The following NARS2 variants were observed in gnomAD, a reference collection of about 807,000 sequenced individuals.
NARS2 encodes the protein asparaginyl-tRNA synthetase 2, mitochondrial.
In NARS2, 60 loss-of-function variants were observed where a neutral mutation model predicts 62.9. That is an observed-to-expected ratio of 0.95 (90% CI 0.77 to 1.18). The LOEUF is 1.18. Ranked by LOEUF, NARS2 falls within the 50% of genes most tolerant of loss-of-function variation. The probability of loss-of-function intolerance (pLI) is 0.00; values close to 1 mark genes in which losing one functional copy is unlikely to be tolerated. For missense variants in NARS2, 619 were observed against 576.4 expected (o/e 1.07, Z -0.76); for synonymous variants, 196 against 200.0 (o/e 0.98, Z 0.17).
chr11:78,445,844 C>T (rs115388851), intron 11 of NARS2, among the ~76,000 whole-genome samples: 5 of 152,138 alleles, frequency 3.3e-5, no homozygotes, highest in African/African-American at 1.2e-4. Context: ...CCTGTGGTCC[C>T]GGCTACTTGT....
chr11:78,512,402 A>G (rs1434106278), intron 6 of NARS2, among the ~76,000 whole-genome samples: 2 of 152,158 alleles, frequency 1.3e-5, no homozygotes, highest in East Asian at 3.8e-4. Context: ...AATTCACCCA[A>G]GGTTCTCCAG....
intron 6 of NARS2, among the ~76,000 whole-genome samples, chr11:78,512,967 A>T (rs1239975026): frequency 6.6e-6 from 1 of 152,218 alleles, no homozygotes; most frequent in African/African-American, 2.4e-5. Flanking sequence ...ATGTACAATT[A>T]GGCCGAGCAC....
intron 11 of NARS2, 82 bp from the exon 12 acceptor site, chr11:78,443,840 A>G (rs902501868): frequency 2.1e-6 from 2 of 970,490 alleles, no homozygotes; most frequent in Admixed American, 2.1e-5. Flanking sequence ...AACCTTTAAC[A>G]TTTTGGCAAT....
intron 2 of NARS2, among the ~76,000 whole-genome samples, chr11:78,570,828 G>C (rs1417817174): frequency 6.6e-6 from 1 of 152,108 alleles, no homozygotes; most frequent in Non-Finnish European, 1.5e-5. Context: ...AGGAAATTAA[G>C]AGTCTAGCAG....
chr11:78,568,105 C>T lies in NARS2; in HGVS notation c.372+527G>A, dbSNP rs114387427. ...GCCTAAGCCTTACAATACTACTGAT[C>T]GGCATCACCCAACAGAACTTTCTGT... On this transcript the variant is annotated intron_variant, in intron 3 of 13. Coordinates refer to ENST00000281038, the MANE Select transcript of NARS2 (RefSeq NM_024678.6). Among the ~76,000 whole-genome samples, 1,393 of 152,308 alleles carry T rather than the reference C, an allele frequency of 9.1e-3. 18 individuals are homozygous for T. Among genetic ancestry groups the T allele is most frequent in the African/African-American group, 0.031 (1,268 of 41,558 alleles).
intron 9 of NARS2, among the ~76,000 whole-genome samples, chr11:78,470,651 T>C (rs1338898761): frequency 2.0e-5 from 3 of 152,186 alleles, no homozygotes; most frequent in South Asian, 2.1e-4. Context: ...TTCTAATCTT[T>C]TGCTATTATA....
intron 5 of NARS2, among the ~76,000 whole-genome samples, chr11:78,556,803 C>G: frequency 6.6e-6 from 1 of 152,146 alleles, no homozygotes; most frequent in South Asian, 2.1e-4. Context: ...ATTATAAAGA[C>G]CAAACCTAAT....
At chr11:78,547,844 T>C (rs1275930416) in intron 5 of NARS2, among the ~76,000 whole-genome samples, 2 of 150,864 alleles carry the variant, frequency 1.3e-5, no homozygotes, top group South Asian at 2.1e-4. Flanking sequence ...GACACAGGTC[T>C]TCCCTAAAAG....
chr11:78,503,067 C>T (rs1860346992), intron 6 of NARS2, among the ~76,000 whole-genome samples: 1 of 151,488 alleles, frequency 6.6e-6, no homozygotes, highest in South Asian at 2.1e-4. Context: ...TTCATCCTTG[C>T]TACCCTATAA....
At chr11:78,458,036 G>C (rs957593498) in intron 11 of NARS2, among the ~76,000 whole-genome samples, 1 of 152,116 alleles carries the variant, frequency 6.6e-6, no homozygotes, top group Non-Finnish European at 1.5e-5. Flanking sequence ...TAGGAGGAAT[G>C]AGTGCTGGTA....
At chr11:78,516,995 C>A (rs1233852589) in intron 6 of NARS2, among the ~76,000 whole-genome samples, 2 of 152,172 alleles carry the variant, frequency 1.3e-5, no homozygotes, top group South Asian at 2.1e-4. Context: ...TGGGTGACAT[C>A]ATTTTTAAGC....
intron 6 of NARS2, among the ~76,000 whole-genome samples, chr11:78,500,963 G>A (rs968176793): frequency 6.6e-6 from 1 of 152,064 alleles, no homozygotes; most frequent in Admixed American, 6.5e-5. Flanking sequence ...GTGGTGGCAT[G>A]CGCCTTTAGT....
intron 6 of NARS2, among the ~76,000 whole-genome samples, chr11:78,502,602 C>A (rs1210163772): frequency 6.6e-6 from 1 of 152,230 alleles, no homozygotes; most frequent in African/African-American, 2.4e-5. Flanking sequence ...TTTGGGGTGA[C>A]GGAAATGTTC....
intron 6 of NARS2, among the ~76,000 whole-genome samples, chr11:78,518,549 G>T (rs549039875): frequency 1.3e-5 from 2 of 151,312 alleles, no homozygotes; most frequent in African/African-American, 2.4e-5. Flanking sequence ...ACGGAGTCTC[G>T]CACTTTCACC....
chr11:78,474,010 C>T (rs896881297), intron 9 of NARS2, among the ~76,000 whole-genome samples: 1 of 152,234 alleles, frequency 6.6e-6, no homozygotes, highest in Non-Finnish European at 1.5e-5. Flanking sequence ...ATCACACCAA[C>T]TGTCCATATC....
At chr11:78,472,256 T>C (rs1858908862) in intron 9 of NARS2, among the ~76,000 whole-genome samples, 2 of 152,196 alleles carry the variant, frequency 1.3e-5, no homozygotes, top group South Asian at 4.1e-4. Context: ...TTCCAGAAAC[T>C]GTTTCCAAAG....
chr11:78,483,867 T>C (rs904390838), intron 7 of NARS2, among the ~76,000 whole-genome samples: 51 of 152,192 alleles, frequency 3.4e-4, no homozygotes, highest in African/African-American at 1.1e-3. Flanking sequence ...CCACTGACTT[T>C]CTTCAGAATT....
chr11:78,447,045 C>CA (rs145933087), intron 11 of NARS2, among the ~76,000 whole-genome samples: 9,156 of 144,404 alleles, frequency 0.063, 687 homozygotes, highest in African/African-American at 0.19. Flanking sequence ...AGACATTTCT[C>CA]AAAAAAAAAA....
At chr11:78,468,817 A>T (rs1858744144) in intron 10 of NARS2, among the ~76,000 whole-genome samples, 1 of 144,054 alleles carries the variant, frequency 6.9e-6, no homozygotes, top group African/African-American at 2.6e-5. Context: ...TTTTGGGTAG[A>T]GACAGGGTCT....
Sources: gnomAD v4.1 joint callset for allele counts (sites outside exome capture counted in the v4.1 genomes callset) on GRCh38, gnomAD v4.1.1 for gene constraint, MANE v1.5 for transcripts, NCBI Gene and HGNC (gene_info 2026-07-23, HGNC 2026-07-21) for gene names.